Variants in WDR76 observed in about 807,000 individuals in gnomAD.
WDR76 encodes the protein WD repeat domain 76, also known as WD repeat-containing protein 76.
Under a neutral mutation model 70.2 loss-of-function variants are expected in WDR76, and 52 were observed. The observed-to-expected ratio is 0.74, with a 90% CI of 0.59 to 0.93. The LOEUF is 0.93. WDR76 is among the 40% of genes least tolerant of loss of function. The probability of loss-of-function intolerance (pLI) is 0.00; values close to 1 mark genes in which losing one functional copy is unlikely to be tolerated. For synonymous variants in WDR76, 292 were observed against 271.1 expected, an observed-to-expected ratio of 1.08 and a Z score of -0.76; for missense variants, 756 against 760.2, an observed-to-expected ratio of 0.99 and a Z score of 0.07.
At chr15:43,833,632 T>TTTG (rs2087619366) in intron 2 of WDR76, among the ~76,000 whole-genome samples, 3 of 148,552 alleles carry the variant, frequency 2.0e-5, no homozygotes, top group Non-Finnish European at 4.5e-5. Flanking sequence ...TCTTTTTTTT[T>TTTG]TTTGTTTGTT....
At chr15:43,835,480 C>A (rs1309165690) in intron 3 of WDR76, among the ~76,000 whole-genome samples, 1 of 90,856 alleles carries the variant, frequency 1.1e-5, no homozygotes, top group African/African-American at 3.7e-5. Flanking sequence ...CAGAGCCAGA[C>A]CCTGTCTCAA....
chr15:43,858,486 T>A, intron 10 of WDR76, 185 bp from the exon 11 acceptor site: 2 of 608,794 alleles, frequency 3.3e-6, no homozygotes, highest in Non-Finnish European at 5.4e-6. Flanking sequence ...TCTCAGATGA[T>A]CCACCTGCCT....
At chr15:43,850,950 A>T in intron 8 of WDR76, 137 bp from the exon 9 acceptor site, 1 of 1,082,726 alleles carries the variant, frequency 9.2e-7, no homozygotes, top group Non-Finnish European at 1.3e-6. Flanking sequence ...TGTGAAGGGG[A>T]GAGTGGTTAC....
At chr15:43,841,841 C>T (rs2087729521) in intron 5 of WDR76, among the ~76,000 whole-genome samples, 1 of 151,994 alleles carries the variant, frequency 6.6e-6, no homozygotes, top group Non-Finnish European at 1.5e-5. Context: ...GTTAACTCCT[C>T]TTAAGTTTCT....
At chr15:43,865,062 C>T (rs1218634193) in intron 12 of WDR76, among the ~76,000 whole-genome samples, 1 of 152,118 alleles carries the variant, frequency 6.6e-6, no homozygotes, top group Non-Finnish European at 1.5e-5. Context: ...GCTGGGATTA[C>T]AGGCAAGCAC....
At chr15:43,844,788 C>T (rs1480982227) in intron 8 of WDR76, among the ~76,000 whole-genome samples, 3 of 150,182 alleles carry the variant, frequency 2.0e-5, no homozygotes, top group Non-Finnish European at 4.4e-5. Flanking sequence ...ATTAGCTAGG[C>T]GTGGTGGCAG....
intron 3 of WDR76, among the ~76,000 whole-genome samples, chr15:43,835,421 C>T (rs1275279184): frequency 6.6e-6 from 1 of 151,000 alleles, no homozygotes; most frequent in Non-Finnish European, 1.5e-5. Flanking sequence ...TTTGGAAAGT[C>T]AAGGCTGCCG....
Position 43,843,944 on chromosome 15 carries a change from G to A in WDR76, c.922G>A (p.Val308Ile), listed in dbSNP as rs745747300. The change falls in exon 8 of 13, where the codon GTT (valine) becomes ATT (isoleucine). Residue 308 changes from valine to isoleucine, a missense_variant. Val to Ile is a conservative substitution (Grantham distance 29, BLOSUM62 3). Transcript: ENST00000263795. ...LNGMVISEDT[V>I]YKVTTGPIFS... ...TGGCATGGTCATTAGTGAAGATACC[G>A]TTTACAAAGTTACCACAGGCCCAAT... 14 of 1,610,638 alleles carry A rather than the reference G, an allele frequency of 8.7e-6. No individual in the cohort carries two copies. The highest frequency in any genetic ancestry group is 6.6e-5 in the South Asian group (6 of 90,544).
At chr15:43,857,961 C>CTTTT (rs397854561) in intron 10 of WDR76, among the ~76,000 whole-genome samples, 7 of 95,522 alleles carry the variant, frequency 7.3e-5, no homozygotes, top group Non-Finnish European at 1.3e-4. Flanking sequence ...AGGGTTCTGT[C>CTTTT]TTTTTTTTTT....
chr15:43,832,822 G>T (rs372731854), intron 2 of WDR76, among the ~76,000 whole-genome samples: 3 of 124,792 alleles, frequency 2.4e-5, no homozygotes, highest in African/African-American at 8.9e-5. Flanking sequence ...GTGTGATCTC[G>T]GCTCACTGCA....
Position 43,844,065 on chromosome 15 carries a change from A to T in WDR76, c.1032+11A>T. 1.2e-6 allele frequency: 2 copies of T among 1,611,744 alleles called. No homozygotes were observed. Among genetic ancestry groups the T allele is most frequent in the Non-Finnish European group, 1.7e-6 (2 of 1,179,110 alleles). On this transcript the variant is annotated intron_variant, in intron 8 of 12. Transcript: ENST00000263795. ...GGACTTTGTGATTTGGTAAGTTATT[A>T]AATTTCTTGAATATATTATAGTTTG...
rs776786701 is a variant in WDR76, at chr15:43,842,676, G to A, written c.878+5G>A. 1.2e-6 allele frequency: 2 copies of A among 1,607,472 alleles called. No individual in the cohort carries two copies. Among genetic ancestry groups the A allele is most frequent in the Non-Finnish European group, 1.7e-6 (2 of 1,177,670 alleles). ...GGGATTATCTAGCATTAAAAGGTAAGTTGAAATTCCTTGTGTTTCTTTTAT... is the reference window on the plus strand; with the variant it reads ...GGGATTATCTAGCATTAAAAGGTAAATTGAAATTCCTTGTGTTTCTTTTAT... On this transcript the variant is annotated splice_donor_5th_base_variant and intron_variant, in intron 7 of 12. Coordinates refer to ENST00000263795, the MANE Select transcript of WDR76 (RefSeq NM_024908.4).
chr15:43,830,516 C>G (rs1049600992), intron 2 of WDR76, among the ~76,000 whole-genome samples: 3 of 144,344 alleles, frequency 2.1e-5, no homozygotes, highest in Non-Finnish European at 4.5e-5. Context: ...GAGCCGAGAT[C>G]GTGCTGTTGC....
chr15:43,838,815 C>T (rs1254344685), intron 4 of WDR76, among the ~76,000 whole-genome samples: 1 of 152,032 alleles, frequency 6.6e-6, no homozygotes, highest in African/African-American at 2.4e-5. Context: ...GGGAGTTTCT[C>T]TAGGAGTAGA....
At chr15:43,845,170 T>G (rs1293797542) in intron 8 of WDR76, among the ~76,000 whole-genome samples, 2 of 148,674 alleles carry the variant, frequency 1.3e-5, no homozygotes, top group East Asian at 2.0e-4. Context: ...CCCATGGTCT[T>G]GATCTCCTGA....
intron 7 of WDR76, among the ~76,000 whole-genome samples, chr15:43,843,013 CT>C (rs370773260): frequency 0.13 from 15,782 of 120,030 alleles, 429 homozygotes; most frequent in African/African-American, 0.25. Context: ...TTTTCTTTTT[CT>C]TTTTTTTTTT....
intron 4 of WDR76, among the ~76,000 whole-genome samples, chr15:43,838,929 A>T (rs896291148): frequency 6.6e-6 from 1 of 152,178 alleles, no homozygotes. Context: ...AGTATATAGT[A>T]TACTTTCAAT....
chr15:43,863,819 G>A (rs1035107008), intron 12 of WDR76: 3 of 152,234 alleles, frequency 2.0e-5, no homozygotes, highest in Non-Finnish European at 2.9e-5. Context: ...TGGGCCTCCC[G>A]AAGTGTTGGC....
At chr15:43,836,267 T>TG (rs1372931196) in intron 4 of WDR76, 51 bp downstream of exon 4, 1 of 1,556,364 alleles carries the variant, frequency 6.4e-7, no homozygotes, top group African/African-American at 1.4e-5. Context: ...GCTCAACTGT[T>TG]TTATAATTTG....
Sources: allele counts gnomAD v4.1 joint callset (sites outside exome capture counted in the v4.1 genomes callset), GRCh38; gene constraint gnomAD v4.1.1; transcripts MANE v1.5; gene names NCBI Gene and HGNC (gene_info 2026-07-23, HGNC 2026-07-21).